The following ARHGAP6 variants were observed in gnomAD, a reference collection of about 807,000 sequenced individuals.
The protein encoded by ARHGAP6 is Rho GTPase activating protein 6.
Under a neutral mutation model 55.7 loss-of-function variants are expected in ARHGAP6, and 16 were observed. The ratio of observed to expected loss-of-function variants is 0.29; its 90% CI spans 0.19 to 0.44. ARHGAP6 has a LOEUF of 0.44. ARHGAP6 is among the 20% of genes least tolerant of loss of function. The pLI, the probability that ARHGAP6 is intolerant of heterozygous loss-of-function variation, is 1.00. For synonymous variants in ARHGAP6, 382 were observed against 360.9 expected (o/e 1.06, Z -0.66); for missense variants, 698 against 808.9 (o/e 0.86, Z 1.66).
At chrX:11,557,905 T>C (rs746042952) in intron 1 of ARHGAP6, among the ~76,000 whole-genome samples, 1 of 111,948 alleles carries the variant, frequency 8.9e-6, no homozygotes, top group Non-Finnish European at 1.9e-5. Context: ...ATTATATATA[T>C]GTATGAGAAG....
intron 1 of ARHGAP6, among the ~76,000 whole-genome samples, chrX:11,353,392 AAAGTTCTAATTTC>A (rs1270070334): frequency 8.9e-6 from 1 of 111,929 alleles, no homozygotes; most frequent in Non-Finnish European, 1.9e-5. Context: ...AACAGCAAAA[AAAGTTCTAATTTC>A]AAGTCACCCT....
chrX:11,171,919 C>T (rs2046097533), intron 8 of ARHGAP6, among the ~76,000 whole-genome samples: 2 of 112,021 alleles, frequency 1.8e-5, no homozygotes, highest in Non-Finnish European at 3.8e-5. Flanking sequence ...TAAAATTGCT[C>T]CTGGTTGAGA....
At chrX:11,299,428 C>A (rs6654939) in intron 1 of ARHGAP6, among the ~76,000 whole-genome samples, 2 of 111,493 alleles carry the variant, frequency 1.8e-5, no homozygotes, top group Admixed American at 1.9e-4. Context: ...AAAAGGTAGA[C>A]GGGAAATCTC....
intron 1 of ARHGAP6, among the ~76,000 whole-genome samples, chrX:11,403,516 T>A (rs1165361562): frequency 1.8e-5 from 2 of 112,545 alleles, no homozygotes. Context: ...TATATTAGGT[T>A]AAATAAAATA....
chrX:11,384,690 G>C (rs2147728045), intron 1 of ARHGAP6, among the ~76,000 whole-genome samples: 1 of 111,993 alleles, frequency 8.9e-6, no homozygotes, highest in African/African-American at 3.2e-5. Flanking sequence ...AAAATCACTT[G>C]AGAAAATTTA....
intron 1 of ARHGAP6, among the ~76,000 whole-genome samples, chrX:11,296,033 T>C (rs779752452): frequency 4.5e-5 from 5 of 111,890 alleles, no homozygotes; most frequent in Admixed American, 9.4e-5. Flanking sequence ...TATTTTTAAC[T>C]TGAAAATTTT....
chrX:11,403,227 A>T (rs1452557196), intron 1 of ARHGAP6, among the ~76,000 whole-genome samples: 2 of 111,357 alleles, frequency 1.8e-5, no homozygotes, highest in Non-Finnish European at 3.8e-5. Flanking sequence ...GGGTGTAGGT[A>T]TGGGGGAGAG....
At chrX:11,581,860 C>T (rs1374276677) in intron 1 of ARHGAP6, among the ~76,000 whole-genome samples, 1 of 110,540 alleles carries the variant, frequency 9.0e-6, no homozygotes, top group East Asian at 2.8e-4. Flanking sequence ...GATGGGTGCA[C>T]ATATCTGTGA....
intron 1 of ARHGAP6, among the ~76,000 whole-genome samples, chrX:11,523,564 T>C (rs2050957580): frequency 8.9e-6 from 1 of 111,823 alleles, no homozygotes; most frequent in African/African-American, 3.2e-5. Flanking sequence ...AATGTGAGAA[T>C]CAATTTTCTT....
chrX:11,631,570 A>G (rs1178672905), intron 1 of ARHGAP6, among the ~76,000 whole-genome samples: 1 of 111,173 alleles, frequency 9.0e-6, no homozygotes, highest in Non-Finnish European at 1.9e-5. Context: ...GTGTCTCCAT[A>G]GCACGACTCC....
At chrX:11,662,212 A>G (rs944205036) in intron 1 of ARHGAP6, among the ~76,000 whole-genome samples, 8 of 112,290 alleles carry the variant, frequency 7.1e-5, no homozygotes, top group Admixed American at 2.8e-4. Flanking sequence ...GCAGTGCCCA[A>G]TAGGATACAT....
rs35026703 is a variant in ARHGAP6, at chrX:11,351,047, TACACACACACACAC to T, written c.589-96354_589-96341del. ...CCCATCCTTTAGGTCATATTCAAAT[TACACACACACACAC>T]ACACACACACACACACACACACACA... is the stretch of plus-strand genomic sequence containing the variant. On this transcript the variant is annotated intron_variant, in intron 1 of 12. Coordinates refer to ENST00000337414, the MANE Select transcript of ARHGAP6 (RefSeq NM_013427.3). Among the ~76,000 whole-genome samples, 9 of 87,966 alleles carry T rather than the reference TACACACACACACAC, an allele frequency of 1.0e-4. No individual in the cohort carries two copies. In the South Asian group the frequency reaches 1.7e-3, roughly 17 times the overall value. The allele number at this position is 87,966 out of a possible 115,157, so 76.4% of individuals were successfully genotyped here.
intron 1 of ARHGAP6, among the ~76,000 whole-genome samples, chrX:11,482,489 C>A (rs999875310): frequency 2.7e-5 from 3 of 111,209 alleles, no homozygotes; most frequent in Non-Finnish European, 5.7e-5. Context: ...GAGATGTTGA[C>A]CTCTCAGCAT....
intron 8 of ARHGAP6, among the ~76,000 whole-genome samples, chrX:11,170,555 G>A (rs1416560567): frequency 9.0e-6 from 1 of 111,502 alleles, no homozygotes; most frequent in African/African-American, 3.3e-5. Context: ...ATTTCAGGAA[G>A]AGCAATCTAT....
chrX:11,386,050 G>A (rs1045358667), intron 1 of ARHGAP6, among the ~76,000 whole-genome samples: 1 of 112,333 alleles, frequency 8.9e-6, no homozygotes, highest in Non-Finnish European at 1.9e-5. Context: ...CAAGAAGACA[G>A]CAAAGACAAT....
intron 1 of ARHGAP6, among the ~76,000 whole-genome samples, chrX:11,580,997 T>C (rs2051658916): frequency 8.9e-6 from 1 of 112,499 alleles, no homozygotes; most frequent in African/African-American, 3.2e-5. Flanking sequence ...AGACTGCTTT[T>C]TAACAAAGTC....
chrX:11,591,200 T>A (rs1032550289), intron 1 of ARHGAP6, among the ~76,000 whole-genome samples: 4 of 108,275 alleles, frequency 3.7e-5, no homozygotes, highest in African/African-American at 6.7e-5. Context: ...CAAAAAAAAA[T>A]AAAAATAAAT....
intron 1 of ARHGAP6, among the ~76,000 whole-genome samples, chrX:11,382,954 G>T (rs761568430): frequency 1.8e-4 from 20 of 112,244 alleles, no homozygotes; most frequent in African/African-American, 6.5e-4. Context: ...GGCATCTCTA[G>T]TCACATTTTT....
In ARHGAP6 at chrX:11,590,913, A is replaced by AGAAAGAAAGAAAGAAT. The variant is rs1569411129; in HGVS notation, c.588+73327_588+73328insATTCTTTCTTTCTTTC. ...AAGAAAGAAAGAAAGAAAGAAAGAAAGAAAAGAAAAGAAAAGATAAGTTAA... is the reference window on the plus strand; with the variant it reads ...AAGAAAGAAAGAAAGAAAGAAAGAAAGAAAGAAAGAAAGAATGAAAAGAAAAGAAAAGATAAGTTAA... On this transcript the variant is annotated intron_variant, in intron 1 of 12. Transcript: ENST00000337414. 2.0e-5 allele frequency among the ~76,000 whole-genome samples: 2 copies of AGAAAGAAAGAAAGAAT among 99,641 alleles called. 1 individual carries two copies. The highest frequency in any genetic ancestry group is 4.1e-5 in the Non-Finnish European group (2 of 49,161). The allele number at this position is 99,641 out of a possible 115,157, so 86.5% of individuals were successfully genotyped here.
Sources: gnomAD v4.1 joint callset for allele counts (sites outside exome capture counted in the v4.1 genomes callset) on GRCh38, gnomAD v4.1.1 for gene constraint, MANE v1.5 for transcripts, NCBI Gene and HGNC (gene_info 2026-07-23, HGNC 2026-07-21) for gene names.